The following HMGXB3 variants were observed in gnomAD, a reference collection of about 807,000 sequenced individuals.
The protein encoded by HMGXB3 is HMG domain-containing protein 3.
HMGXB3 carries 45 observed loss-of-function variants against 121.5 expected under a neutral mutation model. The ratio of observed to expected loss-of-function variants is 0.37; its 90% CI spans 0.29 to 0.47. The LOEUF is 0.47. Ranked by LOEUF, HMGXB3 falls within the 20% of genes least tolerant of loss-of-function variation. The probability of loss-of-function intolerance (pLI) is 0.99; values close to 1 mark genes in which losing one functional copy is unlikely to be tolerated. For synonymous variants in HMGXB3, 590 were observed against 624.1 expected (o/e 0.95, Z 0.81); for missense variants, 1,376 against 1,602.2 (o/e 0.86, Z 2.41).
chr5:150,045,672 G>T lies in HMGXB3; in HGVS notation c.2937G>T (p.Val979=). ...VNTEKDKNLD[V]QPVPGSGSAL... is the part of the protein sequence containing the mutation. ...CTGAGAAAGACAAAAACCTGGATGT[G>T]CAGCCAGTACCTGGTAAGGCCACCT... Residue 979 remains valine (V), a synonymous_variant, in exon 16 of 20, where the codon GTG becomes GTT. Transcript: ENST00000502717. 6.4e-7 allele frequency: 1 copy of T among 1,551,696 alleles called. No homozygotes were observed. Among genetic ancestry groups the T allele is most frequent in the Non-Finnish European group, 8.7e-7 (1 of 1,146,946 alleles).
chr5:150,002,976 C>G (rs991235867), intron 1 of HMGXB3, among the ~76,000 whole-genome samples: 2 of 151,996 alleles, frequency 1.3e-5, no homozygotes, highest in Non-Finnish European at 2.9e-5. Context: ...GATCTCATCT[C>G]TACAAACAAT....
At chr5:150,029,573 T>G (rs945847958) in intron 9 of HMGXB3, among the ~76,000 whole-genome samples, 3 of 152,214 alleles carry the variant, frequency 2.0e-5, no homozygotes, top group Non-Finnish European at 2.9e-5. Flanking sequence ...GCTGTGCCCT[T>G]ACTATATGCA....
intron 16 of HMGXB3, among the ~76,000 whole-genome samples, chr5:150,046,366 A>G (rs1269215560): frequency 6.6e-6 from 1 of 152,224 alleles, no homozygotes; most frequent in Non-Finnish European, 1.5e-5. Flanking sequence ...TACATATGCA[A>G]GTGTGTATAA....
At position 150,036,891 on chromosome 5, in the gene HMGXB3, A is replaced by C. The variant is rs1374482299; in HGVS notation, c.2239A>C (p.Thr747Pro). 6.4e-7 allele frequency: 1 copy of C among 1,551,720 alleles called. No individual in the cohort carries two copies. Residue 747 changes from threonine (T) to proline (P), a missense_variant, in exon 12 of 20, where the codon ACG becomes CCG. This residue lies in a region of HMGXB3 where 1,116 missense variants were observed against 1,369.0 expected (regional missense o/e 0.82). Coordinates refer to ENST00000502717, the MANE Select transcript of HMGXB3 (RefSeq NM_014983.3). The part of the protein sequence containing the change: ...SWSNYYESPS[T>P]QCLLCSSPLF... ...GTCGAATTATTATGAGTCTCCGTCC[A>C]CGCAGTGCCTTCTCTGTAGCAGCCC...
Position 150,037,396 on chromosome 5 carries a change from C to G in HMGXB3, c.2286-4C>G. On this transcript the variant is annotated splice_polypyrimidine_tract_variant and splice_region_variant and intron_variant, in intron 12 of 19. Transcript: ENST00000502717. ...TTTTTTGTTGGTGATGTTTCTGGTA[C>G]TAGCTCCCTGGCTGGGCCCCAGGAG... is the stretch of plus-strand genomic sequence containing the variant. The G allele has an allele frequency of 6.5e-7, 1 of 1,539,384 alleles. No individual in the cohort carries two copies. The highest frequency in any genetic ancestry group is 8.8e-7 in the Non-Finnish European group (1 of 1,140,636).
At chr5:150,009,463 A>G (rs1376608456) in intron 3 of HMGXB3, among the ~76,000 whole-genome samples, 1 of 152,210 alleles carries the variant, frequency 6.6e-6, no homozygotes, top group Non-Finnish European at 1.5e-5. Flanking sequence ...ACCTTGTCAC[A>G]TAACCCCTTC....
chr5:150,005,598 CAAA>C (rs760181326), intron 2 of HMGXB3, among the ~76,000 whole-genome samples: 8 of 82,002 alleles, frequency 9.8e-5, no homozygotes, highest in Non-Finnish European at 5.3e-5. Flanking sequence ...AAACTCCTCT[CAAA>C]AAAAAAAAAA....
intron 12 of HMGXB3, 118 bp downstream of exon 12, chr5:150,037,055 C>A: frequency 1.1e-6 from 1 of 904,904 alleles, no homozygotes; most frequent in Non-Finnish European, 1.7e-6. Flanking sequence ...CGTTTTTAGG[C>A]TTCCTTTAAC....
intron 15 of HMGXB3, among the ~76,000 whole-genome samples, chr5:150,042,266 G>A (rs1756652107): frequency 6.6e-6 from 1 of 152,236 alleles, no homozygotes; most frequent in Admixed American, 6.5e-5. Flanking sequence ...CTGGGAGATA[G>A]TAGTTAAACA....
At chr5:150,019,653 A>G (rs1210000088) in intron 6 of HMGXB3, among the ~76,000 whole-genome samples, 1 of 152,216 alleles carries the variant, frequency 6.6e-6, no homozygotes, top group Non-Finnish European at 1.5e-5. Context: ...TATAGAAGAG[A>G]GAGAGTTGAA....
rs1403694443 is a variant in HMGXB3 at position 150,052,352 on chromosome 5, A to T, written c.*160A>T. ...GCTTCCATTCCCTGAGCATGGTGGG[A>T]CCCAGGGTCCTCAGTTCTCAACCCT... On this transcript the variant is annotated 3_prime_UTR_variant, in exon 20 of 20. Coordinates refer to ENST00000502717, the MANE Select transcript of HMGXB3 (RefSeq NM_014983.3). The T allele has an allele frequency of 3.1e-6, 2 of 636,578 alleles. No homozygotes were observed. The highest frequency in any genetic ancestry group is 1.8e-5 in the African/African-American group (1 of 54,484). The allele number at this position is 636,578 out of a possible 1,614,324, so 39.4% of individuals were successfully genotyped here.
intron 9 of HMGXB3, among the ~76,000 whole-genome samples, chr5:150,029,985 T>G (rs1435678913): frequency 6.6e-6 from 1 of 152,214 alleles, no homozygotes; most frequent in African/African-American, 2.4e-5. Context: ...TCTCTGTAAA[T>G]AGTTTCCTTT....
At chr5:150,028,465 T>C (rs974977557) in intron 9 of HMGXB3, among the ~76,000 whole-genome samples, 6 of 145,502 alleles carry the variant, frequency 4.1e-5, no homozygotes, top group African/African-American at 1.5e-4. Flanking sequence ...TATATGTATA[T>C]ATATGTGTGT....
chr5:150,013,592 G>C (rs1755892719), intron 5 of HMGXB3, among the ~76,000 whole-genome samples: 2 of 152,140 alleles, frequency 1.3e-5, no homozygotes, highest in African/African-American at 4.8e-5. Context: ...CTCCACCTCA[G>C]TTCTTTTCCT....
chr5:150,052,464 G>A lies in HMGXB3; in HGVS notation c.*272G>A, dbSNP rs1254431053. 1 of 442,258 alleles carries A rather than the reference G, an allele frequency of 2.3e-6. No homozygotes were observed. The highest frequency in any genetic ancestry group is 2.0e-5 in the African/African-American group (1 of 51,236). 27.4% of individuals were successfully genotyped at this position (442,258 alleles called of 1,614,324 possible). ...CGGTATGTTTAATGGAGGGGAGGCT[G>A]AGGGAAAGGCTCGTAGCTGGTGGGT... On this transcript the variant is annotated 3_prime_UTR_variant, in exon 20 of 20. Coordinates refer to ENST00000502717, the MANE Select transcript of HMGXB3 (RefSeq NM_014983.3).
chr5:150,029,335 T>G (rs1410725529), intron 9 of HMGXB3, among the ~76,000 whole-genome samples: 4 of 151,940 alleles, frequency 2.6e-5, no homozygotes, highest in African/African-American at 4.8e-5. Flanking sequence ...ATCAAGTTTT[T>G]TTTTTTTTTT....
Position 150,036,622 on chromosome 5 carries a change from C to A in HMGXB3, c.1984-14C>A. Reference sequence around the variant, plus strand: ...TGCTCTGAGTGCTTGGTGATCAATCCACTCTCTTCCCAGGAGGTGAGCTCA... The same window carrying A: ...TGCTCTGAGTGCTTGGTGATCAATCAACTCTCTTCCCAGGAGGTGAGCTCA... On this transcript the variant is annotated splice_polypyrimidine_tract_variant and intron_variant, in intron 11 of 19. Coordinates refer to ENST00000502717, the MANE Select transcript of HMGXB3 (RefSeq NM_014983.3). 1.3e-6 allele frequency: 2 copies of A among 1,522,820 alleles called. No homozygotes were observed. Among genetic ancestry groups the A allele is most frequent in the Non-Finnish European group, 1.8e-6 (2 of 1,132,190 alleles). 94.3% of individuals were successfully genotyped at this position (1,522,820 alleles called of 1,614,324 possible). A position where few individuals can be genotyped will look rare whatever the true frequency, so the allele number is the denominator to read the frequency against.
At chr5:150,050,720 A>G (rs955142531) in intron 19 of HMGXB3, among the ~76,000 whole-genome samples, 5 of 152,054 alleles carry the variant, frequency 3.3e-5, no homozygotes, top group Admixed American at 3.3e-4. Context: ...GGCTCAAGCA[A>G]TCCACATGCC....
At chr5:150,019,924 A>G (rs575972846) in intron 6 of HMGXB3, among the ~76,000 whole-genome samples, 4 of 152,338 alleles carry the variant, frequency 2.6e-5, no homozygotes, top group African/African-American at 9.6e-5. Context: ...CACTAATTCC[A>G]GGAGACAGGA....
Sources: allele counts gnomAD v4.1 joint callset (sites outside exome capture counted in the v4.1 genomes callset), GRCh38; gene constraint gnomAD v4.1.1; regional missense constraint gnomAD v4.1.1; transcripts MANE v1.5; gene names NCBI Gene and HGNC (gene_info 2026-07-23, HGNC 2026-07-21).